NCK1: variants seen among roughly 807,000 people sequenced by gnomAD.
NCK1 encodes SH2/SH3 adapter protein NCK1.
NCK1 carries 19 observed loss-of-function variants against 36.6 expected under a neutral mutation model. The ratio of observed to expected loss-of-function variants is 0.52; its 90% confidence interval spans 0.36 to 0.76. NCK1 has a LOEUF of 0.76. Ranked by LOEUF, NCK1 falls within the 30% of genes least tolerant of loss-of-function variation. The probability of loss-of-function intolerance (pLI) is 0.00; values close to 1 mark genes in which losing one functional copy is unlikely to be tolerated. For missense variants in NCK1, 358 were observed against 445.6 expected (o/e 0.80, Z 1.77); for synonymous variants, 165 against 156.0 (o/e 1.06, Z -0.43).
At chr3:136,915,397 G>A (rs1057457728) in intron 1 of NCK1, among the ~76,000 whole-genome samples, 4 of 152,062 alleles carry the variant, frequency 2.6e-5, no homozygotes, top group African/African-American at 9.7e-5. Context: ...AGGGAAAGGT[G>A]TATGAAGATG....
chr3:136,927,959 A>T, intron 1 of NCK1, 25 bp from the exon 2 acceptor site: 1 of 1,475,770 alleles, frequency 6.8e-7, no homozygotes. Context: ...AACCTTACAT[A>T]AAAATATTTT....
intron 2 of NCK1, chr3:136,930,394 G>C: frequency 8.3e-7 from 1 of 1,201,858 alleles, no homozygotes; most frequent in East Asian, 3.2e-5. Flanking sequence ...GGAAAAAAAA[G>C]TTTTGGAAAG....
intron 2 of NCK1, among the ~76,000 whole-genome samples, chr3:136,938,559 G>A (rs1365201390): frequency 1.3e-5 from 2 of 152,084 alleles, no homozygotes; most frequent in East Asian, 3.9e-4. Context: ...TGATGATTTT[G>A]CTGTTTAAAA....
At chr3:136,909,557 T>C (rs1204495868) in intron 1 of NCK1, among the ~76,000 whole-genome samples, 2 of 152,180 alleles carry the variant, frequency 1.3e-5, no homozygotes, top group Non-Finnish European at 2.9e-5. Flanking sequence ...CATGTGCACT[T>C]GAGAAGAATA....
chr3:136,922,388 G>A lies in NCK1; in HGVS notation c.-18-5596G>A, dbSNP rs115512642. Reference sequence around the variant, plus strand: ...GATTTATAATTTCAAGCTTTCTAAGGTAACTGCTCTAAATGGGGGTTCAGG... The same window carrying A: ...GATTTATAATTTCAAGCTTTCTAAGATAACTGCTCTAAATGGGGGTTCAGG... On this transcript the variant is annotated intron_variant, in intron 1 of 3. Coordinates refer to ENST00000481752, the MANE Select transcript of NCK1 (RefSeq NM_001291999.2). 2.5e-3 allele frequency among the ~76,000 whole-genome samples: 375 copies of A among 152,248 alleles called. 1 individual carries two copies. Among genetic ancestry groups the A allele is most frequent in the African/African-American group, 7.8e-3 (322 of 41,538 alleles).
At chr3:136,936,320 C>T (rs1347332326) in intron 2 of NCK1, among the ~76,000 whole-genome samples, 2 of 152,174 alleles carry the variant, frequency 1.3e-5, no homozygotes, top group Non-Finnish European at 2.9e-5. Context: ...GGATTACAGA[C>T]GTGAGCCACT....
At chr3:136,935,548 G>GAGC (rs1386716729) in intron 2 of NCK1, among the ~76,000 whole-genome samples, 2 of 152,136 alleles carry the variant, frequency 1.3e-5, no homozygotes, top group Admixed American at 1.3e-4. Context: ...TGGGTCGACT[G>GAGC]AGGGAGAAAC....
intron 1 of NCK1, among the ~76,000 whole-genome samples, chr3:136,906,656 A>G (rs763987531): frequency 6.6e-6 from 1 of 152,102 alleles, no homozygotes; most frequent in African/African-American, 2.4e-5. Flanking sequence ...CATGGTGTGG[A>G]TGATGGCAGT....
At chr3:136,897,938 TATC>T (rs1185397407) in intron 1 of NCK1, among the ~76,000 whole-genome samples, 6 of 152,216 alleles carry the variant, frequency 3.9e-5, no homozygotes, top group Admixed American at 2.0e-4. Flanking sequence ...TATTATCTAA[TATC>T]ATAATAGGGA....
chr3:136,946,986 T>C (rs1940846410), intron 3 of NCK1: 1 of 152,106 alleles, frequency 6.6e-6, no homozygotes, highest in Admixed American at 6.6e-5. Context: ...ATGGCCTTTC[T>C]TTTTCCTTGA....
intron 1 of NCK1, among the ~76,000 whole-genome samples, chr3:136,871,587 C>G (rs1031774267): frequency 1.3e-5 from 2 of 152,178 alleles, no homozygotes; most frequent in Non-Finnish European, 2.9e-5. Context: ...GTCTCTTTCC[C>G]TCTCAAAGGT....
chr3:136,920,426 TAGTG>T (rs1940076164), intron 1 of NCK1, among the ~76,000 whole-genome samples: 1 of 152,202 alleles, frequency 6.6e-6, no homozygotes, highest in Non-Finnish European at 1.5e-5. Context: ...ATTGAGTAGT[TAGTG>T]GAGACTAGGA....
Position 136,892,192 on chromosome 3 carries a change from T to TTTG in NCK1, c.-19+29860_-19+29862dup, listed in dbSNP as rs570938002. Among the ~76,000 whole-genome samples the TTTG allele has an allele frequency of 3.8e-3, 582 of 152,130 alleles. 3 individuals are homozygous for TTTG. Among genetic ancestry groups the TTTG allele is most frequent in the African/African-American group, 0.011 (439 of 41,506 alleles). On this transcript the variant is annotated intron_variant, in intron 1 of 3. Coordinates refer to ENST00000481752, the MANE Select transcript of NCK1 (RefSeq NM_001291999.2). ...TGTGAGTCACCACACCCAGCTGGAT[T>TTTG]TTGTTGTTGTTGTTGTTGTTGTTTT...
At chr3:136,877,810 G>T (rs1189603444) in intron 1 of NCK1, among the ~76,000 whole-genome samples, 1 of 152,108 alleles carries the variant, frequency 6.6e-6, no homozygotes, top group Non-Finnish European at 1.5e-5. Flanking sequence ...GCAGCATCAG[G>T]TATTTTTGGC....
At chr3:136,874,122 T>G (rs1938701058) in intron 1 of NCK1, among the ~76,000 whole-genome samples, 1 of 152,186 alleles carries the variant, frequency 6.6e-6, no homozygotes, top group African/African-American at 2.4e-5. Flanking sequence ...TGATTTTCAG[T>G]TTTTTGGCTA....
intron 1 of NCK1, among the ~76,000 whole-genome samples, chr3:136,907,668 A>G (rs749059823): frequency 6.6e-6 from 1 of 152,114 alleles, no homozygotes; most frequent in Non-Finnish European, 1.5e-5. Flanking sequence ...TAGGTGATCT[A>G]TTTGAAGTGT....
intron 1 of NCK1, among the ~76,000 whole-genome samples, chr3:136,880,436 G>C (rs1938899313): frequency 1.3e-5 from 2 of 152,008 alleles, no homozygotes; most frequent in Admixed American, 1.3e-4. Flanking sequence ...AGAACACCAG[G>C]GAGAAGATGA....
chr3:136,903,622 A>C (rs566872654), intron 1 of NCK1, among the ~76,000 whole-genome samples: 1 of 151,978 alleles, frequency 6.6e-6, no homozygotes, highest in Non-Finnish European at 1.5e-5. Context: ...ATGGGGTTTC[A>C]CCGTGTAGGC....
chr3:136,891,358 C>T (rs1213256860), intron 1 of NCK1, among the ~76,000 whole-genome samples: 1 of 152,214 alleles, frequency 6.6e-6, no homozygotes, highest in Admixed American at 6.5e-5. Context: ...TGGTCTTGAA[C>T]TCCTGACCTC....
Sources: gnomAD v4.1 joint callset for allele counts (sites outside exome capture counted in the v4.1 genomes callset) on GRCh38, gnomAD v4.1.1 for gene constraint, MANE v1.5 for transcripts, NCBI Gene and HGNC (gene_info 2026-07-23, HGNC 2026-07-21) for gene names.